Variants in FAM13A observed in about 807,000 individuals in gnomAD.
The protein encoded by FAM13A is protein FAM13A.
Under a neutral mutation model 129.6 loss-of-function variants are expected in FAM13A, and 76 were observed. The ratio of observed to expected loss-of-function variants is 0.59; its 90% CI spans 0.49 to 0.71. The LOEUF (loss-of-function observed/expected upper bound fraction) is 0.71, where lower values mean the gene tolerates loss of function less well. FAM13A is among the 30% of genes least tolerant of loss of function. The pLI, the probability that FAM13A is intolerant of heterozygous loss-of-function variation, is 0.00. For missense variants in FAM13A, 1,108 were observed against 1,249.3 expected (o/e 0.89, Z 1.70); for synonymous variants, 443 against 449.9 (o/e 0.98, Z 0.20).
At chr4:88,746,164 A>G (rs1741289611) in intron 19 of FAM13A, among the ~76,000 whole-genome samples, 2 of 152,202 alleles carry the variant, frequency 1.3e-5, no homozygotes, top group Non-Finnish European at 2.9e-5. Context: ...AGTGAACCTA[A>G]ACTTCGTGCT....
intron 1 of FAM13A, among the ~76,000 whole-genome samples, chr4:89,040,880 C>A (rs1443820510): frequency 6.6e-6 from 1 of 152,194 alleles, no homozygotes; most frequent in African/African-American, 2.4e-5. Flanking sequence ...ACCATCTAAT[C>A]AGCTGCCAGC....
At chr4:88,994,856 C>A in intron 3 of FAM13A, among the ~76,000 whole-genome samples, 1 of 146,506 alleles carries the variant, frequency 6.8e-6, no homozygotes, top group African/African-American at 2.5e-5. Context: ...AAAAAATTTC[C>A]TAATAATTAC....
chr4:88,982,986 A>G (rs921612021), intron 4 of FAM13A, among the ~76,000 whole-genome samples: 1 of 152,168 alleles, frequency 6.6e-6, no homozygotes, highest in African/African-American at 2.4e-5. Flanking sequence ...AAATGGGGTA[A>G]GGAGACTAAA....
chr4:88,850,199 TCTAGTAGTAAATAAAATTCAAG>T (rs1414346454), intron 7 of FAM13A, among the ~76,000 whole-genome samples: 3 of 152,254 alleles, frequency 2.0e-5, no homozygotes, highest in Admixed American at 6.5e-5. Context: ...TTATAGTAAT[TCTAGTAGTAAATAAAATTCAAG>T]CTAGTAGTAA....
In FAM13A at chr4:88,882,422, A is replaced by G. The variant is rs536589127; in HGVS notation, c.843+23957T>C. Among the ~76,000 whole-genome samples the G allele has an allele frequency of 8.5e-5, 13 of 152,226 alleles. No homozygotes were observed. In the South Asian group the frequency reaches 2.7e-3, roughly 32 times the overall value. ...GGAAAGTTACGGACTTTTTCAGACA[A>G]TGCTGTATTGTCTTTTTCAGACAAT... On this transcript the variant is annotated intron_variant, in intron 6 of 23. Transcript: ENST00000264344.
At chr4:89,046,927 A>G (rs1770931717) in intron 1 of FAM13A, among the ~76,000 whole-genome samples, 1 of 152,326 alleles carries the variant, frequency 6.6e-6, no homozygotes, top group Middle Eastern at 3.4e-3. Context: ...TAAGTAAAAA[A>G]AAAGAAAGAA....
chr4:88,761,882 CTA>C (rs1744883867), intron 13 of FAM13A, among the ~76,000 whole-genome samples: 1 of 151,806 alleles, frequency 6.6e-6, no homozygotes, highest in South Asian at 2.1e-4. Flanking sequence ...ACTGGGGAAA[CTA>C]TGGTGGACAA....
At chr4:88,872,174 C>T (rs940360511) in intron 6 of FAM13A, among the ~76,000 whole-genome samples, 2 of 152,170 alleles carry the variant, frequency 1.3e-5, no homozygotes, top group African/African-American at 4.8e-5. Flanking sequence ...ACAACCAGTA[C>T]CAGCCACTGC....
intron 2 of FAM13A, among the ~76,000 whole-genome samples, chr4:89,025,022 A>G (rs900472930): frequency 4.6e-5 from 7 of 152,186 alleles, no homozygotes; most frequent in African/African-American, 2.4e-5. Flanking sequence ...TATAACTAAC[A>G]GTATGCTAAG....
intron 6 of FAM13A, among the ~76,000 whole-genome samples, chr4:88,866,111 G>T (rs1342401158): frequency 1.3e-5 from 2 of 151,576 alleles, no homozygotes; most frequent in African/African-American, 4.9e-5. Context: ...GTAATGGCAT[G>T]ATCTTGGCTT....
chr4:88,726,404 A>G lies in FAM13A; in HGVS notation c.*2129T>C, dbSNP rs1736484929. 6.6e-6 allele frequency: 1 copy of G among 152,584 alleles called. No individual in the cohort carries two copies. Among genetic ancestry groups the G allele is most frequent in the Non-Finnish European group, 1.5e-5 (1 of 68,042 alleles). 9.5% of individuals were successfully genotyped at this position (152,584 alleles called of 1,614,324 possible). A position where few individuals can be genotyped will look rare whatever the true frequency, so the allele number is the denominator to read the frequency against. ...GTGTTTTCTTTTATTGAATCATACA[A>G]ATTCAAATGGGGATTCCTGAATAAA... On this transcript the variant is annotated 3_prime_UTR_variant, in exon 24 of 24. Transcript: ENST00000264344.
intron 7 of FAM13A, among the ~76,000 whole-genome samples, chr4:88,835,280 A>ACAAAACT (rs1244779849): frequency 6.6e-6 from 1 of 152,112 alleles, no homozygotes; most frequent in Non-Finnish European, 1.5e-5. Context: ...ATCCATCAAA[A>ACAAAACT]CAAAACTCAT....
chr4:88,784,238 A>AT (rs1400614326), intron 10 of FAM13A, among the ~76,000 whole-genome samples: 1 of 152,176 alleles, frequency 6.6e-6, no homozygotes, highest in Non-Finnish European at 1.5e-5. Flanking sequence ...CGATTACACT[A>AT]TAGATCCATG....
At chr4:88,904,058 C>T (rs1302845439) in intron 6 of FAM13A, among the ~76,000 whole-genome samples, 1 of 152,106 alleles carries the variant, frequency 6.6e-6, no homozygotes, top group Admixed American at 6.6e-5. Context: ...AAATCAAAAC[C>T]ACAATGAGAT....
At chr4:88,897,437 A>G (rs1746543715) in intron 6 of FAM13A, among the ~76,000 whole-genome samples, 1 of 152,206 alleles carries the variant, frequency 6.6e-6, no homozygotes, top group African/African-American at 2.4e-5. Context: ...AAGAAATATA[A>G]CACTTTTCAT....
intron 7 of FAM13A, chr4:88,822,874 T>C: frequency 6.5e-7 from 1 of 1,534,170 alleles, no homozygotes; most frequent in Non-Finnish European, 8.8e-7. Flanking sequence ...TCTACACACT[T>C]TGCAGCATGT....
rs187911125 is a variant in FAM13A, at chr4:88,741,690, G to A, written c.2467-2565C>T. Among the ~76,000 whole-genome samples, 42 of 152,270 alleles carry A rather than the reference G, an allele frequency of 2.8e-4. No individual in the cohort carries two copies. In the East Asian group the frequency reaches 5.0e-3, roughly 18 times the overall value. On this transcript the variant is annotated intron_variant, in intron 19 of 23. Transcript: ENST00000264344. ...AAATCCAAAATCTGAAACTTTTTGA[G>A]TACTGACGTGATGCCAAAAGGAAAC... is the stretch of plus-strand genomic sequence containing the variant.
At chr4:88,878,519 A>T (rs1742996894) in intron 6 of FAM13A, among the ~76,000 whole-genome samples, 1 of 152,104 alleles carries the variant, frequency 6.6e-6, no homozygotes, top group Non-Finnish European at 1.5e-5. Flanking sequence ...TTATTTTAAT[A>T]AATCAATTTA....
rs144958724 is a variant in FAM13A at position 89,051,757 on chromosome 4, G to C, written c.27+5181C>G. On this transcript the variant is annotated intron_variant, in intron 1 of 23. Transcript: ENST00000264344. ...AGGATAAACACTCCCATTCAAGAAA[G>C]GGAAATAGAAAAGAAGAAAGGAATG... 3.9e-4 allele frequency among the ~76,000 whole-genome samples: 60 copies of C among 152,180 alleles called. No individual in the cohort carries two copies. The Middle Eastern group carries it at 0.01, about 26-fold the overall frequency.
Sources: gnomAD v4.1 joint callset for allele counts (sites outside exome capture counted in the v4.1 genomes callset) on GRCh38, gnomAD v4.1.1 for gene constraint, MANE v1.5 for transcripts, NCBI Gene and HGNC (gene_info 2026-07-23, HGNC 2026-07-21) for gene names.